The following EXOC4 variants were observed in gnomAD, a reference collection of about 807,000 sequenced individuals.
EXOC4 encodes SEC8-like 1.
In EXOC4, 71 loss-of-function variants were observed where a neutral mutation model predicts 107.2. That is an observed-to-expected ratio of 0.66 (90% CI 0.55 to 0.81). EXOC4 has a LOEUF of 0.81. Ranked by LOEUF, EXOC4 falls within the 30% of genes least tolerant of loss-of-function variation. The pLI, the probability that EXOC4 is intolerant of heterozygous loss-of-function variation, is 0.00. For missense variants in EXOC4, 1,108 were observed against 1,189.6 expected (o/e 0.93, Z 1.01); for synonymous variants, 456 against 441.2 (o/e 1.03, Z -0.42).
intron 13 of EXOC4, among the ~76,000 whole-genome samples, chr7:133,919,500 G>A (rs1298084058): frequency 1.3e-5 from 2 of 152,032 alleles, no homozygotes; most frequent in African/African-American, 2.4e-5. Flanking sequence ...TAATTTTGCT[G>A]CCCTAAAAAC....
chr7:133,509,223 T>C (rs954160242), intron 9 of EXOC4, among the ~76,000 whole-genome samples: 5 of 152,000 alleles, frequency 3.3e-5, no homozygotes, highest in South Asian at 2.1e-4. Flanking sequence ...GGTCAGGAGA[T>C]CGAGACCATC....
intron 1 of EXOC4, among the ~76,000 whole-genome samples, chr7:133,264,416 C>T (rs114617358): frequency 0.013 from 1,972 of 152,208 alleles, 33 homozygotes; most frequent in African/African-American, 0.045. Context: ...TGTTTTTATG[C>T]ATCAGAAAAC....
At position 133,264,699 on chromosome 7, in the gene EXOC4, T is replaced by C. The variant is rs137863389; in HGVS notation, c.87-10283T>C. 9.0e-4 allele frequency among the ~76,000 whole-genome samples: 137 copies of C among 152,152 alleles called. 1 individual carries two copies. The highest frequency in any genetic ancestry group is 1.7e-3 in the Non-Finnish European group (115 of 68,008). ...CATAATTCTGAGTAACTCAGAATTA[T>C]GATGAGGGTCTCTTCTTTTCATAAT... On this transcript the variant is annotated intron_variant, in intron 1 of 17. Coordinates refer to ENST00000253861, the MANE Select transcript of EXOC4 (RefSeq NM_021807.4).
intron 4 of EXOC4, among the ~76,000 whole-genome samples, chr7:133,316,746 AATTGTTGTG>A (rs1794999675): frequency 6.6e-6 from 1 of 152,164 alleles, no homozygotes; most frequent in African/African-American, 2.4e-5. Flanking sequence ...AAATCATTTT[AATTGTTGTG>A]ATTGTCCACG....
chr7:134,070,548 G>A (rs1373912818), downstream of EXOC4, among the ~76,000 whole-genome samples: 1 of 152,136 alleles, frequency 6.6e-6, no homozygotes, highest in African/African-American at 2.4e-5. Context: ...GCAAACACCA[G>A]GAAAGAATTT....
At chr7:134,040,476 GGAATAA>G (rs1405811869) in intron 17 of EXOC4, among the ~76,000 whole-genome samples, 1 of 151,964 alleles carries the variant, frequency 6.6e-6, no homozygotes, top group East Asian at 1.9e-4. Flanking sequence ...CCCCTCCTCT[GGAATAA>G]TTGACTGCTC....
intron 9 of EXOC4, among the ~76,000 whole-genome samples, chr7:133,627,439 G>T (rs138013061): frequency 6.6e-6 from 1 of 152,044 alleles, no homozygotes; most frequent in Non-Finnish European, 1.5e-5. Flanking sequence ...AGTCTATCTC[G>T]TAAAGGTTAT....
chr7:133,483,976 T>C, intron 9 of EXOC4: 2 of 1,566,472 alleles, frequency 1.3e-6, no homozygotes, highest in Middle Eastern at 1.7e-4. Flanking sequence ...GTTAACACCA[T>C]ATAGCGGCAG....
At chr7:133,635,645 C>A (rs907859636) in intron 10 of EXOC4, among the ~76,000 whole-genome samples, 1 of 152,132 alleles carries the variant, frequency 6.6e-6, no homozygotes. Context: ...ACCTCATAAC[C>A]ACAGAGTCCC....
chr7:134,055,141 A>T (rs10228418), intron 17 of EXOC4, among the ~76,000 whole-genome samples: 26,673 of 152,160 alleles, frequency 0.18, 2,713 homozygotes, highest in African/African-American at 0.27. Context: ...TTTTCCTTTG[A>T]GGCCCTTCAG....
At chr7:133,571,949 C>T (rs1007849588) in intron 9 of EXOC4, among the ~76,000 whole-genome samples, 1 of 152,166 alleles carries the variant, frequency 6.6e-6, no homozygotes, top group Non-Finnish European at 1.5e-5. Flanking sequence ...GTCTTAATAT[C>T]GTCACATTGG....
chr7:133,376,839 A>G (rs1796501587), intron 7 of EXOC4, among the ~76,000 whole-genome samples: 2 of 152,206 alleles, frequency 1.3e-5, no homozygotes, highest in Admixed American at 1.3e-4. Flanking sequence ...TAGATCTCAT[A>G]CAGCAAAGCC....
intron 9 of EXOC4, among the ~76,000 whole-genome samples, chr7:133,580,256 G>A (rs1304268460): frequency 6.6e-6 from 1 of 152,088 alleles, no homozygotes; most frequent in Non-Finnish European, 1.5e-5. Context: ...ACATTATTTG[G>A]GTTGCTTTCA....
chr7:133,932,496 A>G (rs1292910203), intron 13 of EXOC4, among the ~76,000 whole-genome samples: 4 of 152,234 alleles, frequency 2.6e-5, no homozygotes, highest in Non-Finnish European at 5.9e-5. Flanking sequence ...CAGTGAATGC[A>G]TATGTACCAT....
rs534615082 is a variant in EXOC4, at chr7:133,895,750, A to G, written c.1871+15A>G. 3.4e-5 allele frequency: 54 copies of G among 1,611,484 alleles called. No homozygotes were observed. Among genetic ancestry groups the G allele is most frequent in the Admixed American group, 3.3e-4 (20 of 59,880 alleles). Reference sequence around the variant, plus strand: ...GCAGCTTACAGGTAGAGCTTCTGTTAGGGGCTAAGCAAAGTAACGTTTGAG... The same window carrying G: ...GCAGCTTACAGGTAGAGCTTCTGTTGGGGGCTAAGCAAAGTAACGTTTGAG... On this transcript the variant is annotated intron_variant, in intron 12 of 17. Coordinates refer to ENST00000253861, the MANE Select transcript of EXOC4 (RefSeq NM_021807.4).
chr7:133,292,479 G>T (rs1392592995), intron 3 of EXOC4, among the ~76,000 whole-genome samples: 1 of 152,062 alleles, frequency 6.6e-6, no homozygotes, highest in Non-Finnish European at 1.5e-5. Context: ...TAAAACAGTA[G>T]CTATTTATTT....
intron 11 of EXOC4, among the ~76,000 whole-genome samples, chr7:133,852,051 A>T (rs572805040): frequency 3.9e-5 from 6 of 152,300 alleles, no homozygotes; most frequent in African/African-American, 1.4e-4. Context: ...TTGGAATCTC[A>T]GTGAAAAACA....
chr7:133,572,627 A>G (rs1456940464), intron 9 of EXOC4, among the ~76,000 whole-genome samples: 1 of 152,208 alleles, frequency 6.6e-6, no homozygotes, highest in African/African-American at 2.4e-5. Flanking sequence ...AAAAATACAT[A>G]AAAATAATTC....
chr7:133,552,530 A>G (rs1424467858), intron 9 of EXOC4, among the ~76,000 whole-genome samples: 3 of 152,182 alleles, frequency 2.0e-5, no homozygotes, highest in Non-Finnish European at 2.9e-5. Flanking sequence ...AAAGCCATCT[A>G]TATTAGGCAT....
Sources: gnomAD v4.1 joint callset for allele counts (sites outside exome capture counted in the v4.1 genomes callset) on GRCh38, gnomAD v4.1.1 for gene constraint, MANE v1.5 for transcripts, NCBI Gene and HGNC (gene_info 2026-07-23, HGNC 2026-07-21) for gene names.